The following CDYL variants were observed in gnomAD, a reference collection of about 807,000 sequenced individuals.
CDYL encodes the protein chromodomain Y-like protein.
Under a neutral mutation model 47.3 loss-of-function variants are expected in CDYL, and 8 were observed. The ratio of observed to expected loss-of-function variants is 0.17; its 90% confidence interval spans 0.10 to 0.31. The LOEUF (loss-of-function observed/expected upper bound fraction) is 0.31. CDYL is among the 10% of genes least tolerant of loss of function. The pLI, the probability that CDYL is intolerant of heterozygous loss-of-function variation, is 1.00. For missense variants in CDYL, 471 were observed against 701.4 expected, an observed-to-expected ratio of 0.67 and a Z score of 3.71; for synonymous variants, 266 against 265.0, an observed-to-expected ratio of 1.00 and a Z score of -0.04.
At chr6:4,720,856 G>C (rs1426205957) in intron 2 of CDYL, among the ~76,000 whole-genome samples, 1 of 152,072 alleles carries the variant, frequency 6.6e-6, no homozygotes, top group East Asian at 1.9e-4. Flanking sequence ...CCTTCTCCTA[G>C]GTAGCCTATT....
intron 1 of CDYL, among the ~76,000 whole-genome samples, chr6:4,797,427 CTT>C (rs77314083): frequency 2.1e-5 from 3 of 140,900 alleles, no homozygotes; most frequent in Non-Finnish European, 1.6e-5. Flanking sequence ...CTTTTCATTT[CTT>C]TTTTTTTTTT....
intron 1 of CDYL, among the ~76,000 whole-genome samples, chr6:4,889,031 T>G (rs1218377731): frequency 6.6e-6 from 1 of 152,190 alleles, no homozygotes; most frequent in Non-Finnish European, 1.5e-5. Flanking sequence ...TGTGTGTGCT[T>G]GAGAAGAATG....
At chr6:4,884,246 C>T (rs1315679823) in intron 1 of CDYL, among the ~76,000 whole-genome samples, 1 of 152,206 alleles carries the variant, frequency 6.6e-6, no homozygotes, top group African/African-American at 2.4e-5. Flanking sequence ...GAGAAAGCCA[C>T]GTGGCTTGCT....
chr6:4,711,199 C>G (rs1279813796), intron 1 of CDYL, among the ~76,000 whole-genome samples: 1 of 152,176 alleles, frequency 6.6e-6, no homozygotes, highest in Admixed American at 6.5e-5. Flanking sequence ...TGACCCTGGC[C>G]TCTAACGCTG....
At chr6:4,898,278 G>A (rs992328669) in intron 2 of CDYL, among the ~76,000 whole-genome samples, 1 of 152,200 alleles carries the variant, frequency 6.6e-6, no homozygotes, top group Non-Finnish European at 1.5e-5. Flanking sequence ...AGAGGTAGCA[G>A]CTATTCCCTG....
rs772226934 is a variant in CDYL at position 4,752,390 on chromosome 6, G to C, written c.186+17546G>C. 5.3e-5 allele frequency among the ~76,000 whole-genome samples: 8 copies of C among 152,134 alleles called. 1 individual carries two copies. The highest frequency in any genetic ancestry group is 4.2e-4 in the South Asian group (2 of 4,818). On this transcript the variant is annotated intron_variant, in intron 3 of 8. Coordinates refer to the CDYL transcript ENST00000328908. Reference sequence around the variant, plus strand: ...CAGTCATAGTTTCTTTCACCTGCTGGCTTGACAACTTTAAAAATTTACATT... The same window carrying C: ...CAGTCATAGTTTCTTTCACCTGCTGCCTTGACAACTTTAAAAATTTACATT...
chr6:4,814,944 T>G (rs772450570), intron 1 of CDYL, among the ~76,000 whole-genome samples: 8 of 152,192 alleles, frequency 5.3e-5, no homozygotes, highest in Non-Finnish European at 8.8e-5. Flanking sequence ...CCAGCCAGAT[T>G]AAGGGGCAGT....
chr6:4,749,446 T>C (rs2127419485), intron 3 of CDYL, among the ~76,000 whole-genome samples: 1 of 151,810 alleles, frequency 6.6e-6, no homozygotes, highest in South Asian at 2.1e-4. Flanking sequence ...ATGAGATGGA[T>C]GGATGGATGG....
At chr6:4,888,299 A>G (rs1761952591) in intron 1 of CDYL, among the ~76,000 whole-genome samples, 2 of 152,024 alleles carry the variant, frequency 1.3e-5, no homozygotes, top group African/African-American at 2.4e-5. Flanking sequence ...ATCTAATCCT[A>G]TGCTTTTTTT....
chr6:4,712,303 A>C (rs1387192353), intron 1 of CDYL, among the ~76,000 whole-genome samples: 1 of 152,188 alleles, frequency 6.6e-6, no homozygotes, highest in African/African-American at 2.4e-5. Context: ...GGCAGATGTT[A>C]AAGTGATTTC....
chr6:4,878,191 T>C (rs1345681743), intron 1 of CDYL, among the ~76,000 whole-genome samples: 1 of 152,154 alleles, frequency 6.6e-6, no homozygotes, highest in Admixed American at 6.5e-5. Context: ...TCTTGAGGGA[T>C]ATTGGTCCAT....
At chr6:4,760,010 A>T (rs1203982479) in intron 3 of CDYL, among the ~76,000 whole-genome samples, 1 of 150,874 alleles carries the variant, frequency 6.6e-6, no homozygotes, top group Non-Finnish European at 1.5e-5. Flanking sequence ...CCTTGAAGAG[A>T]TTAGTTTCAT....
rs375620199 is a variant in CDYL, at chr6:4,815,372, C to T, written c.24+38565C>T. ...CACTATGTAGTCAGTTACCACATAT[C>T]AACCTTCTCTACTTAAGAGCCTCAT... On this transcript the variant is annotated intron_variant, in intron 1 of 6. Transcript: ENST00000397588. 2.0e-5 allele frequency among the ~76,000 whole-genome samples: 3 copies of T among 152,300 alleles called. No individual in the cohort carries two copies. In the South Asian group the frequency reaches 6.2e-4, roughly 32 times the overall value.
chr6:4,887,053 G>C (rs966156719), intron 1 of CDYL, among the ~76,000 whole-genome samples: 3 of 152,200 alleles, frequency 2.0e-5, no homozygotes, highest in African/African-American at 7.2e-5. Flanking sequence ...TAGGCTATAT[G>C]TCTGTAGTTC....
chr6:4,773,165 C>T (rs548204128), upstream of CDYL: 71 of 457,390 alleles, frequency 1.6e-4, no homozygotes, highest in African/African-American at 1.2e-3. The surrounding 1 kb of genome is among the most constrained non-coding windows in gnomAD (Gnocchi z 4.6). Flanking sequence ...CCTACAACAA[C>T]GGGAGCAGGT....
At chr6:4,870,604 C>G (rs1024958451) in intron 1 of CDYL, among the ~76,000 whole-genome samples, 7 of 152,090 alleles carry the variant, frequency 4.6e-5, no homozygotes, top group Non-Finnish European at 7.4e-5. Flanking sequence ...TGTTCCTTCT[C>G]TCTCCCCTCT....
intron 2 of CDYL, among the ~76,000 whole-genome samples, chr6:4,901,069 GC>G (rs2127493888): frequency 6.6e-6 from 1 of 151,204 alleles, no homozygotes; most frequent in African/African-American, 2.4e-5. Context: ...CAATTAATGT[GC>G]ATTAATTTTA....
intron 1 of CDYL, among the ~76,000 whole-genome samples, chr6:4,840,127 C>A (rs1343948005): frequency 3.3e-5 from 5 of 151,936 alleles, no homozygotes; most frequent in Non-Finnish European, 7.4e-5. Flanking sequence ...TTGTAGAGGT[C>A]TTTCACCTCC....
At chr6:4,851,041 A>G (rs1760808600) in intron 1 of CDYL, among the ~76,000 whole-genome samples, 1 of 152,188 alleles carries the variant, frequency 6.6e-6, no homozygotes, top group African/African-American at 2.4e-5. Flanking sequence ...TTTGTGATTT[A>G]ATCATACTGC....
Sources: gnomAD v4.1 joint callset for allele counts (sites outside exome capture counted in the v4.1 genomes callset) on GRCh38, gnomAD v4.1.1 for gene constraint, Gnocchi (gnomAD v3.1) non-coding constraint, MANE v1.5 for transcripts, NCBI Gene and HGNC (gene_info 2026-07-23, HGNC 2026-07-21) for gene names.